FHL2: variants seen among roughly 807,000 people sequenced by gnomAD.
The protein encoded by FHL2 is four and a half LIM domains 2, also known as four and a half LIM domains protein 2.
Under a neutral mutation model 32.7 loss-of-function variants are expected in FHL2, and 20 were observed. That is an observed-to-expected ratio of 0.61 (90% confidence interval 0.43 to 0.89). FHL2 has a LOEUF of 0.89. Ranked by LOEUF, FHL2 falls within the 40% of genes least tolerant of loss-of-function variation. The probability of loss-of-function intolerance (pLI) is 0.00; values close to 1 mark genes in which losing one functional copy is unlikely to be tolerated. For synonymous variants in FHL2, 123 were observed against 128.1 expected (o/e 0.96, Z 0.27); for missense variants, 311 against 358.6 (o/e 0.87, Z 1.07).
chr2:105,394,121 C>T (rs984943412), intron 2 of FHL2, among the ~76,000 whole-genome samples: 2 of 151,936 alleles, frequency 1.3e-5, no homozygotes, highest in African/African-American at 4.8e-5. Flanking sequence ...TACCCCGCAC[C>T]ATTTTATTTT....
intron 2 of FHL2, among the ~76,000 whole-genome samples, chr2:105,391,498 G>A (rs1682732434): frequency 6.6e-6 from 1 of 152,142 alleles, no homozygotes; most frequent in African/African-American, 2.4e-5. Context: ...AGACAGAGTA[G>A]GGTAGGCAGA....
chr2:105,396,387 A>G (rs1683130869), intron 2 of FHL2, among the ~76,000 whole-genome samples: 1 of 152,168 alleles, frequency 6.6e-6, no homozygotes, highest in Non-Finnish European at 1.5e-5. Flanking sequence ...CTTCCCTCTT[A>G]CTCAGTTTTT....
intron 1 of FHL2, among the ~76,000 whole-genome samples, chr2:105,432,997 C>T (rs1025219598): frequency 6.6e-6 from 1 of 152,300 alleles, no homozygotes; most frequent in African/African-American, 2.4e-5. Flanking sequence ...TTAAACACAA[C>T]AGTTTGGTTC....
chr2:105,404,076 C>A (rs1178052353), upstream of FHL2, among the ~76,000 whole-genome samples: 1 of 152,130 alleles, frequency 6.6e-6, no homozygotes, highest in African/African-American at 2.4e-5. Flanking sequence ...ATGGGGGCTA[C>A]CCCAGGGGGA....
intron 2 of FHL2, among the ~76,000 whole-genome samples, chr2:105,396,375 G>A (rs1415603041): frequency 6.6e-6 from 1 of 152,152 alleles, no homozygotes; most frequent in Non-Finnish European, 1.5e-5. Context: ...CCGGCAGGGG[G>A]GCTTCCCTCT....
At chr2:105,435,412 C>T (rs1346982947) in intron 1 of FHL2, among the ~76,000 whole-genome samples, 4 of 152,104 alleles carry the variant, frequency 2.6e-5, no homozygotes, top group Non-Finnish European at 5.9e-5. Flanking sequence ...TCATACGAAA[C>T]CGTGAACTGA....
At chr2:105,378,129 T>A in intron 3 of FHL2, 2 of 471,112 alleles carry the variant, frequency 4.2e-6, no homozygotes, top group South Asian at 3.1e-5. Flanking sequence ...TGCACAGACA[T>A]GGAAAAGCTG....
chr2:105,363,253 G>T, intron 6 of FHL2, 32 bp downstream of exon 6: 1 of 1,608,240 alleles, frequency 6.2e-7, no homozygotes, highest in South Asian at 1.1e-5. Flanking sequence ...GCTTCCAATC[G>T]CCCCTGGAAA....
chr2:105,361,554 A>T, intron 6 of FHL2, 120 bp from the exon 7 acceptor site: 1 of 807,986 alleles, frequency 1.2e-6, no homozygotes, highest in Middle Eastern at 3.6e-4. Context: ...GGATAATGTG[A>T]ATTTCTAGTG....
At chr2:105,415,423 T>G (rs188543589) in intron 1 of FHL2, among the ~76,000 whole-genome samples, 32 of 152,382 alleles carry the variant, frequency 2.1e-4, no homozygotes, top group African/African-American at 7.0e-4. Context: ...TATTCTCTTT[T>G]TGTTGCTTCT....
chr2:105,366,468 G>A (rs78479113), intron 5 of FHL2, among the ~76,000 whole-genome samples: 1,816 of 152,316 alleles, frequency 0.012, 43 homozygotes, highest in African/African-American at 0.042. Context: ...CACAGCTGGC[G>A]CTGCCCAGGG....
intron 1 of FHL2, among the ~76,000 whole-genome samples, chr2:105,428,642 G>C (rs897533036): frequency 6.6e-6 from 1 of 152,180 alleles, no homozygotes; most frequent in African/African-American, 2.4e-5. Context: ...AGCTTGTTCT[G>C]CCACCTTGCT....
intron 3 of FHL2, among the ~76,000 whole-genome samples, chr2:105,379,396 A>T (rs1029140418): frequency 6.6e-6 from 1 of 152,196 alleles, no homozygotes; most frequent in Non-Finnish European, 1.5e-5. Context: ...AATATCTGCC[A>T]CCTTAAAGCT....
chr2:105,397,010 G>GTTTTTTTTTTTTTTTTTTT (rs35576785), intron 1 of FHL2: 2 of 108,296 alleles, frequency 1.8e-5, no homozygotes, highest in African/African-American at 4.1e-5. Context: ...TATCTAGTCT[G>GTTTTTTTTTTTTTTTTTTT]TTTTTTTTTT....
chr2:105,410,690 A>G (rs1683763251), intron 1 of FHL2, among the ~76,000 whole-genome samples: 1 of 152,152 alleles, frequency 6.6e-6, no homozygotes, highest in African/African-American at 2.4e-5. Flanking sequence ...AGGCAAGCAG[A>G]GGGAAGTGTG....
intron 1 of FHL2, among the ~76,000 whole-genome samples, chr2:105,412,227 A>G (rs1221566392): frequency 6.6e-6 from 1 of 152,260 alleles, no homozygotes; most frequent in Non-Finnish European, 1.5e-5. Flanking sequence ...TAGTACATCC[A>G]TACAATGGAA....
At chr2:105,358,527 T>A (rs1018666220), downstream of FHL2, 1 of 152,152 alleles carries the variant, frequency 6.6e-6, no homozygotes, top group Non-Finnish European at 1.5e-5. Flanking sequence ...CAGAATAGAG[T>A]TTGTCACATG....
chr2:105,398,919 G>A lies in FHL2; in HGVS notation c.-153C>T. On this transcript the variant is annotated 5_prime_UTR_variant, in exon 1 of 7. Transcript: ENST00000530340. ...TCGGCCCCCACTTCCGAGCCCTGGT[G>A]GCTAAGCCCCTCGGCCTCCCTCCGG... 1 of 1,541,066 alleles carries A rather than the reference G, an allele frequency of 6.5e-7. No individual in the cohort carries two copies. The highest frequency in any genetic ancestry group is 2.7e-5 in the East Asian group (1 of 37,476).
At chr2:105,381,605 C>T (rs1417016473) in intron 3 of FHL2, among the ~76,000 whole-genome samples, 1 of 152,118 alleles carries the variant, frequency 6.6e-6, no homozygotes, top group Admixed American at 6.5e-5. Context: ...CACTGACAGG[C>T]CCTTCTCATG....
Sources: gnomAD v4.1 joint callset for allele counts (sites outside exome capture counted in the v4.1 genomes callset) on GRCh38, gnomAD v4.1.1 for gene constraint, MANE v1.5 for transcripts, NCBI Gene and HGNC (gene_info 2026-07-23, HGNC 2026-07-21) for gene names.